C1orf185: variants seen among roughly 807,000 people sequenced by gnomAD.
The protein encoded by C1orf185 is uncharacterized protein C1orf185.
A neutral mutation model predicts 16.1 loss-of-function variants in C1orf185; 13 were observed. The ratio of observed to expected loss-of-function variants is 0.81; its 90% confidence interval spans 0.53 to 1.28. The LOEUF is 1.28. C1orf185 is among the 50% of genes most tolerant of loss of function. The pLI is 0.00. For synonymous variants in C1orf185, 80 were observed against 76.9 expected (o/e 1.04, Z -0.21); for missense variants, 220 against 225.2 (o/e 0.98, Z 0.15).
At chr1:51,149,364 G>A (rs146335131), downstream of C1orf185, among the ~76,000 whole-genome samples, 1,705 of 152,198 alleles carry the variant, frequency 0.011, 21 homozygotes, top group African/African-American at 0.039. Flanking sequence ...AAGAGCAAAT[G>A]TAAAAGGAGT....
At chr1:51,127,653 T>C (rs188126693) in intron 3 of C1orf185, among the ~76,000 whole-genome samples, 365 of 152,172 alleles carry the variant, frequency 2.4e-3, no homozygotes, top group African/African-American at 8.5e-3. Context: ...AAATTATATC[T>C]TTTATGTCTG....
chr1:51,129,031 T>C (rs952924923), intron 3 of C1orf185, among the ~76,000 whole-genome samples: 2 of 150,810 alleles, frequency 1.3e-5, no homozygotes, highest in Non-Finnish European at 3.0e-5. Context: ...ATTACAGGCA[T>C]GTACCACCAT....
chr1:51,145,742 G>A lies in C1orf185; in HGVS notation c.277G>A (p.Glu93Lys). 1 of 1,312,482 alleles carries A rather than the reference G, an allele frequency of 7.6e-7. No homozygotes were observed. The highest frequency in any genetic ancestry group is 1.0e-6 in the Non-Finnish European group (1 of 969,098). 81.3% of individuals were successfully genotyped at this position (1,312,482 alleles called of 1,614,324 possible). Reference protein sequence around the residue: ...FQLQEEQRKKEAAHIKAIKDH... With the variant: ...FQLQEEQRKKKAAHIKAIKDH... ...AATGTAGGAGGAGCAAAGAAAAAAG[G>A]AAGCAGCACATATAAAAGGTATTTT... The change falls in exon 4 of 5, where the codon GAA becomes AAA. Residue 93 changes from glutamate (E) to lysine (K), a missense_variant. Transcript: ENST00000371759.
intron 3 of C1orf185, among the ~76,000 whole-genome samples, chr1:51,128,580 C>A (rs1254735657): frequency 6.6e-6 from 1 of 151,960 alleles, no homozygotes; most frequent in African/African-American, 2.4e-5. Context: ...GTAATCCCAG[C>A]TTGTCAGGAG....
At position 51,109,652 on chromosome 1, in the gene C1orf185, T is replaced by G. The variant is rs192075147; in HGVS notation, c.17-2812T>G. ...CAGTTTTCCCCACAAGAGGTTGTTCTTTCTCCGGTGAGTGTTCCTGGCACT... is the reference window on the plus strand; with the variant it reads ...CAGTTTTCCCCACAAGAGGTTGTTCGTTCTCCGGTGAGTGTTCCTGGCACT... On this transcript the variant is annotated intron_variant, in intron 1 of 4. Transcript: ENST00000371759. Among the ~76,000 whole-genome samples the G allele has an allele frequency of 2.6e-5, 4 of 152,312 alleles. No homozygotes were observed. The East Asian group carries it at 7.7e-4, about 29-fold the overall frequency.
At chr1:51,122,906 C>T (rs1646208356) in intron 3 of C1orf185, among the ~76,000 whole-genome samples, 1 of 152,188 alleles carries the variant, frequency 6.6e-6, no homozygotes, top group Non-Finnish European at 1.5e-5. Flanking sequence ...TAAGCTTTCT[C>T]CATGTATTTT....
intron 3 of C1orf185, among the ~76,000 whole-genome samples, chr1:51,142,275 C>T (rs1646369670): frequency 6.6e-6 from 1 of 152,188 alleles, no homozygotes; most frequent in Admixed American, 6.6e-5. Context: ...CTTCAGTCTT[C>T]CTTATTTAGG....
intron 3 of C1orf185, among the ~76,000 whole-genome samples, chr1:51,134,228 T>C (rs1026401254): frequency 1.3e-5 from 2 of 152,190 alleles, no homozygotes; most frequent in African/African-American, 4.8e-5. Context: ...AATATACTGC[T>C]CCTGAATGTC....
At chr1:51,113,524 C>G (rs1028908922) in intron 2 of C1orf185, among the ~76,000 whole-genome samples, 3 of 151,866 alleles carry the variant, frequency 2.0e-5, no homozygotes, top group African/African-American at 7.3e-5. Context: ...TCTCTACTAA[C>G]GATAAACAAA....
At chr1:51,137,069 C>T (rs1016656764) in intron 3 of C1orf185, among the ~76,000 whole-genome samples, 1 of 152,036 alleles carries the variant, frequency 6.6e-6, no homozygotes, top group Non-Finnish European at 1.5e-5. Context: ...AAGAAAAAAA[C>T]AAGCAGCCCC....
intron 3 of C1orf185, among the ~76,000 whole-genome samples, chr1:51,138,156 A>G (rs1411750824): frequency 1.3e-5 from 2 of 152,184 alleles, no homozygotes; most frequent in Non-Finnish European, 2.9e-5. Context: ...CTCCCAAGAC[A>G]CAGGTTTACC....
At chr1:51,114,633 G>C (rs1646145075) in intron 2 of C1orf185, among the ~76,000 whole-genome samples, 1 of 152,130 alleles carries the variant, frequency 6.6e-6, no homozygotes, top group East Asian at 1.9e-4. Context: ...TGAGACACGA[G>C]AATTGCTTGA....
intron 3 of C1orf185, among the ~76,000 whole-genome samples, chr1:51,137,855 G>A (rs1378039014): frequency 6.6e-6 from 1 of 152,166 alleles, no homozygotes; most frequent in Non-Finnish European, 1.5e-5. Context: ...TATACATTAT[G>A]GAATACTATG....
chr1:51,116,707 A>AC (rs1646160316), intron 2 of C1orf185, among the ~76,000 whole-genome samples: 1 of 151,868 alleles, frequency 6.6e-6, no homozygotes, highest in Non-Finnish European at 1.5e-5. Flanking sequence ...TACATGGTCT[A>AC]CCCCCACACA....
At chr1:51,115,490 G>C (rs867383215) in intron 2 of C1orf185, among the ~76,000 whole-genome samples, 1 of 151,934 alleles carries the variant, frequency 6.6e-6, no homozygotes, top group South Asian at 2.1e-4. Context: ...TTAGCTCTTA[G>C]GAAAATGGCT....
chr1:51,111,143 A>G (rs1237944429), intron 1 of C1orf185, among the ~76,000 whole-genome samples: 2 of 152,076 alleles, frequency 1.3e-5, no homozygotes, highest in African/African-American at 2.4e-5. Flanking sequence ...TTTTTAATAC[A>G]TACTAGAATT....
chr1:51,135,248 C>T (rs1646314918), intron 3 of C1orf185, among the ~76,000 whole-genome samples: 1 of 152,006 alleles, frequency 6.6e-6, no homozygotes, highest in Admixed American at 6.6e-5. Flanking sequence ...AGACAAAAAC[C>T]ACATGATTGG....
At chr1:51,140,438 C>T (rs1265525753) in intron 3 of C1orf185, among the ~76,000 whole-genome samples, 2 of 152,028 alleles carry the variant, frequency 1.3e-5, no homozygotes, top group African/African-American at 2.4e-5. Flanking sequence ...AATCATAGTT[C>T]GTTTTTGTTC....
chr1:51,149,785 C>T (rs1377045835), downstream of C1orf185, among the ~76,000 whole-genome samples: 1 of 152,130 alleles, frequency 6.6e-6, no homozygotes, highest in Non-Finnish European at 1.5e-5. Flanking sequence ...AAAATGAAAA[C>T]TGGAGATGAG....
Sources: gnomAD v4.1 joint callset for allele counts (sites outside exome capture counted in the v4.1 genomes callset) on GRCh38, gnomAD v4.1.1 for gene constraint, MANE v1.5 for transcripts, NCBI Gene and HGNC (gene_info 2026-07-23, HGNC 2026-07-21) for gene names.